Variants in ANKRD17 observed in about 807,000 individuals in gnomAD.
ANKRD17 encodes the protein ankyrin repeat domain 17.
ANKRD17 carries 19 observed loss-of-function variants against 229.7 expected under a neutral mutation model. That is an observed-to-expected ratio of 0.08 (90% confidence interval 0.06 to 0.12). ANKRD17 has a LOEUF of 0.12. Ranked by LOEUF, ANKRD17 falls within the 10% of genes least tolerant of loss-of-function variation. The pLI is 1.00. For synonymous variants in ANKRD17, 1,112 were observed against 1,146.1 expected (o/e 0.97, Z 0.60); for missense variants, 2,176 against 3,176.8 (o/e 0.68, Z 7.57).
intron 3 of ANKRD17, among the ~76,000 whole-genome samples, chr4:73,156,883 G>A (rs1413582242): frequency 6.6e-6 from 1 of 152,108 alleles, no homozygotes; most frequent in Non-Finnish European, 1.5e-5. Flanking sequence ...TAACATTAGT[G>A]CTCAACAAGG....
intron 1 of ANKRD17, among the ~76,000 whole-genome samples, chr4:73,240,603 C>A (rs1743931469): frequency 6.6e-6 from 1 of 151,952 alleles, no homozygotes; most frequent in South Asian, 2.1e-4. Context: ...CCAGCCTATG[C>A]AACAGAGCAA....
chr4:73,232,204 G>C (rs1433254518), intron 1 of ANKRD17, among the ~76,000 whole-genome samples: 1 of 152,082 alleles, frequency 6.6e-6, no homozygotes, highest in Non-Finnish European at 1.5e-5. Context: ...TAGAAGGAAG[G>C]GGGAGAAAAA....
At chr4:73,080,632 C>T (rs1721468405) in intron 30 of ANKRD17, 1 of 152,144 alleles carries the variant, frequency 6.6e-6, no homozygotes, top group East Asian at 1.9e-4. Flanking sequence ...CAACTAACAT[C>T]AAGACATAGT....
intron 2 of ANKRD17, among the ~76,000 whole-genome samples, chr4:73,165,145 G>T (rs1211150687): frequency 2.0e-5 from 3 of 151,988 alleles, no homozygotes; most frequent in Admixed American, 2.0e-4. Flanking sequence ...CTAACTTATA[G>T]AACAGAATAA....
intron 1 of ANKRD17, among the ~76,000 whole-genome samples, chr4:73,251,701 T>G (rs1745044644): frequency 6.6e-6 from 1 of 152,080 alleles, no homozygotes; most frequent in South Asian, 2.1e-4. Flanking sequence ...TATGGAAAAA[T>G]TATGAAGGTC....
rs1301265710 is a variant in ANKRD17, at chr4:73,161,343, C to G, written c.553G>C (p.Gly185Arg). The change falls in exon 3 of 34, where the codon GGA becomes CGA. Residue 185 changes from glycine to arginine, a missense_variant. By Grantham distance (125) the Gly-to-Arg change is moderately radical (BLOSUM62 -2). Around this residue, in one of 18 missense-constraint regions of ANKRD17, gnomAD observed 184 missense variants for 357.8 expected, o/e 0.51. Transcript: ENST00000358602. ...LEALLEAAGI[G>R]KLSTADGKAF... The stretch of plus-strand genomic sequence containing the variant: ...TTACCATCAGCCGTGGACAATTTTC[C>G]TATTCCTATTATATTATTTTCACAC... 6.2e-7 allele frequency: 1 copy of G among 1,613,790 alleles called. No homozygotes were observed. Among genetic ancestry groups the G allele is most frequent in the Non-Finnish European group, 8.5e-7 (1 of 1,179,938 alleles).
Position 73,076,203 on chromosome 4 carries a change from A to C in ANKRD17, c.*28T>G. On this transcript the variant is annotated 3_prime_UTR_variant, in exon 34 of 34. Transcript: ENST00000358602. ...TTGTGATTTCCTCCAAATGAAAAGG[A>C]ATCTGCAGGCTAACAAGCTGATCCT... 6.3e-7 allele frequency: 1 copy of C among 1,584,790 alleles called. No individual in the cohort carries two copies. Among genetic ancestry groups the C allele is most frequent in the Non-Finnish European group, 8.5e-7 (1 of 1,170,458 alleles).
intron 1 of ANKRD17, among the ~76,000 whole-genome samples, chr4:73,231,517 G>A (rs1392949255): frequency 2.0e-5 from 3 of 152,194 alleles, no homozygotes; most frequent in Non-Finnish European, 4.4e-5. Flanking sequence ...ATTATTTAAA[G>A]ATGTAACTTT....
At chr4:73,173,272 C>T (rs1214529926) in intron 2 of ANKRD17, among the ~76,000 whole-genome samples, 2 of 152,112 alleles carry the variant, frequency 1.3e-5, no homozygotes, top group African/African-American at 4.8e-5. Flanking sequence ...AATACATATG[C>T]ACCTAACACT....
intron 31 of ANKRD17, 112 bp from the exon 32 acceptor site, chr4:73,077,645 G>T (rs879128101): frequency 4.5e-6 from 4 of 894,372 alleles, no homozygotes; most frequent in East Asian, 2.9e-5. Flanking sequence ...TCAATATAAT[G>T]ACCTACTTTT....
chr4:73,093,580 T>C (rs532192228), intron 28 of ANKRD17, among the ~76,000 whole-genome samples: 1 of 152,252 alleles, frequency 6.6e-6, no homozygotes, highest in East Asian at 1.9e-4. Context: ...TTTCCCCATG[T>C]TGAGGCTGGT....
intron 1 of ANKRD17, among the ~76,000 whole-genome samples, chr4:73,195,251 T>C (rs1737694198): frequency 6.6e-6 from 1 of 152,224 alleles, no homozygotes; most frequent in Non-Finnish European, 1.5e-5. Flanking sequence ...TGTTTACATA[T>C]TGTTGGACTG....
At position 73,226,032 on chromosome 4, in the gene ANKRD17, C is replaced by G. The variant is rs113154316; in HGVS notation, c.393+32244G>C. On this transcript the variant is annotated intron_variant, in intron 1 of 33. Coordinates refer to ENST00000358602, the MANE Select transcript of ANKRD17 (RefSeq NM_032217.5). The stretch of plus-strand genomic sequence containing the variant: ...GCTCTGTTGCCCAGGTTGGAGTGCA[C>G]TGGCACAATCTCGGCTCACAGCAAC... Among the ~76,000 whole-genome samples the G allele has an allele frequency of 2.4e-3, 316 of 130,036 alleles. 2 individuals are homozygous for G. Among genetic ancestry groups the G allele is most frequent in the South Asian group, 0.015 (59 of 3,912 alleles). The allele number at this position is 130,036 out of a possible 152,430, so 85.3% of individuals were successfully genotyped here. A position where few individuals can be genotyped will look rare whatever the true frequency, so the allele number is the denominator to read the frequency against.
At chr4:73,257,709 G>GA (rs1745581434) in intron 1 of ANKRD17, among the ~76,000 whole-genome samples, 1 of 152,128 alleles carries the variant, frequency 6.6e-6, no homozygotes, top group African/African-American at 2.4e-5. Context: ...GGATAGTTAC[G>GA]AAAAACCCTG....
chr4:73,142,356 T>G lies in ANKRD17; in HGVS notation c.2115A>C (p.Ala705=). ...KDGSTMLIEA[A]KGGHTSVVCY... is the part of the protein sequence containing the mutation. ...AAACAACACTTGTATGGCCACCTTT[T>G]GCTGCTTCTATCAACATAGTTGAGC... is the stretch of plus-strand genomic sequence containing the variant. Residue 705 remains alanine, a synonymous_variant, in exon 13 of 34, where the codon GCA becomes GCC. Transcript: ENST00000358602. 1 of 1,587,774 alleles carries G rather than the reference T, an allele frequency of 6.3e-7. No homozygotes were observed. Among genetic ancestry groups the G allele is most frequent in the Non-Finnish European group, 8.5e-7 (1 of 1,174,296 alleles).
Position 73,120,998 on chromosome 4 carries a change from T to G in ANKRD17, c.3732A>C (p.Ile1244=). Reference sequence around the variant, plus strand: ...TCCGATTGGTTTCTATCTGAGCATTTATGTCAGAGCCCATGTCTAACAGGA... The same window carrying G: ...TCCGATTGGTTTCTATCTGAGCATTGATGTCAGAGCCCATGTCTAACAGGA... ...VKLLLDMGSD[I]NAQIETNRNT... is the part of the protein sequence containing the mutation. The change falls in exon 20 of 34, where the codon ATA becomes ATC. Residue 1244 remains isoleucine (I), a synonymous_variant. Transcript: ENST00000358602. The G allele has an allele frequency of 6.2e-7, 1 of 1,613,874 alleles. No homozygotes were observed. Among genetic ancestry groups the G allele is most frequent in the Non-Finnish European group, 8.5e-7 (1 of 1,179,878 alleles).
intron 1 of ANKRD17, among the ~76,000 whole-genome samples, chr4:73,247,882 G>T (rs1198492691): frequency 6.6e-6 from 1 of 151,622 alleles, no homozygotes; most frequent in Non-Finnish European, 1.5e-5. Context: ...TTCAGGTAAT[G>T]ATTAATTCTG....
chr4:73,089,522 T>C (rs917788373), intron 29 of ANKRD17, among the ~76,000 whole-genome samples: 1 of 152,028 alleles, frequency 6.6e-6, no homozygotes, highest in Admixed American at 6.6e-5. Flanking sequence ...GATCCTACAA[T>C]AGAAAAAGGA....
At chr4:73,216,579 C>T (rs1294361294) in intron 1 of ANKRD17, among the ~76,000 whole-genome samples, 1 of 152,162 alleles carries the variant, frequency 6.6e-6, no homozygotes, top group Admixed American at 6.5e-5. Flanking sequence ...AATGTTTATG[C>T]AGATTACTTC....
Sources: allele counts gnomAD v4.1 joint callset (sites outside exome capture counted in the v4.1 genomes callset), GRCh38; gene constraint gnomAD v4.1.1; regional missense constraint gnomAD v4.1.1; transcripts MANE v1.5; gene names NCBI Gene and HGNC (gene_info 2026-07-23, HGNC 2026-07-21).